The following LRFN5 variants were observed in gnomAD, a reference collection of about 807,000 sequenced individuals.
LRFN5 encodes the protein leucine-rich repeat and fibronectin type-III domain-containing protein 5.
A neutral mutation model predicts 45.6 loss-of-function variants in LRFN5; 24 were observed. The observed-to-expected ratio is 0.53, with a 90% CI of 0.38 to 0.74. The LOEUF (loss-of-function observed/expected upper bound fraction) is 0.74, where lower values mean the gene tolerates loss of function less well. LRFN5 is among the 30% of genes least tolerant of loss of function. LRFN5 has a pLI of 0.00. For missense variants in LRFN5, 776 were observed against 861.5 expected, an observed-to-expected ratio of 0.90 and a Z score of 1.24; for synonymous variants, 340 against 313.8, an observed-to-expected ratio of 1.08 and a Z score of -0.88.
intron 2 of LRFN5, among the ~76,000 whole-genome samples, chr14:41,884,129 G>GTT (rs1890482928): frequency 6.6e-6 from 1 of 152,114 alleles, no homozygotes; most frequent in Non-Finnish European, 1.5e-5. Context: ...TGTCTTTTCA[G>GTT]TTTAACAAGA....
intron 1 of LRFN5, among the ~76,000 whole-genome samples, chr14:41,619,714 CAT>C (rs1888050870): frequency 1.3e-5 from 2 of 151,670 alleles, no homozygotes; most frequent in Admixed American, 1.3e-4. Context: ...AATATATGTA[CAT>C]ATATATGTAC....
At chr14:41,815,444 G>C (rs915175976) in intron 2 of LRFN5, among the ~76,000 whole-genome samples, 1 of 152,038 alleles carries the variant, frequency 6.6e-6, no homozygotes, top group Non-Finnish European at 1.5e-5. Context: ...ATTTAAAGTG[G>C]GTTTCTTGTC....
chr14:41,649,693 C>T (rs1232081230), intron 1 of LRFN5, among the ~76,000 whole-genome samples: 1 of 152,170 alleles, frequency 6.6e-6, no homozygotes, highest in Non-Finnish European at 1.5e-5. Context: ...CCTGATCACC[C>T]TGGTCTGTCT....
chr14:41,876,277 C>CTTTTTTTTTTTTTTTTTTTTTT (rs34291427), intron 2 of LRFN5, among the ~76,000 whole-genome samples: 1 of 100,600 alleles, frequency 9.9e-6, no homozygotes, highest in African/African-American at 3.8e-5. Context: ...CTTTTTCTTT[C>CTTTTTTTTTTTTTTTTTTTTTT]TTTTTTTTTT....
At chr14:41,882,427 G>A (rs1890412582) in intron 2 of LRFN5, among the ~76,000 whole-genome samples, 1 of 152,076 alleles carries the variant, frequency 6.6e-6, no homozygotes, top group Non-Finnish European at 1.5e-5. Flanking sequence ...TGAAATCCCT[G>A]AGGGACTGTA....
intron 2 of LRFN5, among the ~76,000 whole-genome samples, chr14:41,812,925 G>A (rs941450062): frequency 6.6e-6 from 1 of 152,098 alleles, no homozygotes; most frequent in Admixed American, 6.6e-5. Flanking sequence ...AAGTCATCAC[G>A]TTCCAGACTA....
At chr14:41,837,430 A>T (rs1227108439) in intron 2 of LRFN5, among the ~76,000 whole-genome samples, 4 of 152,082 alleles carry the variant, frequency 2.6e-5, no homozygotes, top group Admixed American at 2.6e-4. Context: ...TAGTCTCCTT[A>T]CTCTGTCCTG....
Position 41,903,676 on chromosome 14 carries a change from T to G in LRFN5, c.2143-482T>G, listed in dbSNP as rs141310639. On this transcript the variant is annotated intron_variant, in intron 5 of 5. Transcript: ENST00000298119. Reference sequence around the variant, plus strand: ...TTTGTTTTGTGGGTGAAAAACTGATTAGTTAAGGTGAATAATTTACTACCA... The same window carrying G: ...TTTGTTTTGTGGGTGAAAAACTGATGAGTTAAGGTGAATAATTTACTACCA... 4.2e-3 allele frequency among the ~76,000 whole-genome samples: 644 copies of G among 151,938 alleles called. 3 individuals carry two copies. Among genetic ancestry groups the G allele is most frequent in the African/African-American group, 0.015 (621 of 41,544 alleles).
chr14:41,797,205 G>A (rs1274622025), intron 2 of LRFN5, among the ~76,000 whole-genome samples: 2 of 151,448 alleles, frequency 1.3e-5, no homozygotes, highest in African/African-American at 4.8e-5. Context: ...ATTTTTCATG[G>A]CATTTGAAAT....
intron 1 of LRFN5, among the ~76,000 whole-genome samples, chr14:41,650,266 C>CACACACACACAA (rs1247683262): frequency 2.4e-4 from 32 of 135,524 alleles, no homozygotes; most frequent in African/African-American, 5.6e-4. Context: ...CACACACACA[C>CACACACACACAA]AAAAAAAAAA....
At chr14:41,858,926 A>G (rs1453556837) in intron 2 of LRFN5, among the ~76,000 whole-genome samples, 2 of 152,202 alleles carry the variant, frequency 1.3e-5, no homozygotes, top group African/African-American at 4.8e-5. Context: ...TGGTTCCCAT[A>G]CAAATCCTGC....
rs1280486959 is a variant in LRFN5 at position 41,659,818 on chromosome 14, T to A, written c.-197+51256T>A. 2.6e-5 allele frequency among the ~76,000 whole-genome samples: 4 copies of A among 152,144 alleles called. No individual in the cohort carries two copies. The South Asian group carries it at 8.3e-4, about 31-fold the overall frequency. On this transcript the variant is annotated intron_variant, in intron 1 of 5. Transcript: ENST00000298119. ...TAATGGCCAATGATGATGAGCTTTTTTTCATATGTTGTTGGCTGTATGAAT... is the reference window on the plus strand; with the variant it reads ...TAATGGCCAATGATGATGAGCTTTTATTCATATGTTGTTGGCTGTATGAAT...
At chr14:41,852,246 A>T (rs1889293477) in intron 2 of LRFN5, among the ~76,000 whole-genome samples, 1 of 151,942 alleles carries the variant, frequency 6.6e-6, no homozygotes, top group South Asian at 2.1e-4. Context: ...GAAGTTGGCA[A>T]ATAACATAAT....
At position 41,815,692 on chromosome 14, in the gene LRFN5, T is replaced by C. The variant is rs1887893136; in HGVS notation, c.-21+48663T>C. 2.0e-5 allele frequency among the ~76,000 whole-genome samples: 3 copies of C among 152,038 alleles called. No individual in the cohort carries two copies. The South Asian group carries it at 6.2e-4, about 32-fold the overall frequency. On this transcript the variant is annotated intron_variant, in intron 2 of 5. Coordinates refer to ENST00000298119, the MANE Select transcript of LRFN5 (RefSeq NM_152447.5). Reference sequence around the variant, plus strand: ...GATCAAAGCTGCACTCCAGCCTGAGTGCCACTGAGTGCCACTGCACTCCAG... The same window carrying C: ...GATCAAAGCTGCACTCCAGCCTGAGCGCCACTGAGTGCCACTGCACTCCAG...
intron 1 of LRFN5, among the ~76,000 whole-genome samples, chr14:41,627,717 C>T (rs1254809991): frequency 6.6e-6 from 1 of 152,054 alleles, no homozygotes; most frequent in Non-Finnish European, 1.5e-5. Flanking sequence ...TTTTTCTATG[C>T]TGGTATAATA....
chr14:41,815,371 G>C (rs1167518551), intron 2 of LRFN5, among the ~76,000 whole-genome samples: 2 of 151,854 alleles, frequency 1.3e-5, no homozygotes, highest in Admixed American at 6.6e-5. Context: ...GCTTTCTTTG[G>C]ATTAGTACTA....
intron 1 of LRFN5, among the ~76,000 whole-genome samples, chr14:41,719,702 G>C (rs974002658): frequency 6.6e-6 from 1 of 151,228 alleles, no homozygotes; most frequent in African/African-American, 2.4e-5. Flanking sequence ...TCAAAATTTT[G>C]ATAGATTTTG....
chr14:41,864,611 CA>C (rs1184501379), intron 2 of LRFN5, among the ~76,000 whole-genome samples: 1 of 152,076 alleles, frequency 6.6e-6, no homozygotes, highest in Non-Finnish European at 1.5e-5. Context: ...ACCTTATCAC[CA>C]AATAAGGTCA....
rs1437646684 is a variant in LRFN5, at chr14:41,826,668, G to A, written c.-21+59639G>A. ...TGTCACATAAATCATAAAGCAGTGT[G>A]GATTATTGACTAGAAGCATGAAACC... is the stretch of plus-strand genomic sequence containing the variant. On this transcript the variant is annotated intron_variant, in intron 2 of 5. Coordinates refer to ENST00000298119, the MANE Select transcript of LRFN5 (RefSeq NM_152447.5). Among the ~76,000 whole-genome samples the A allele has an allele frequency of 2.0e-5, 3 of 152,124 alleles. No homozygotes were observed. In the East Asian group the frequency reaches 5.8e-4, roughly 29 times the overall value.
Sources: allele counts gnomAD v4.1 joint callset (sites outside exome capture counted in the v4.1 genomes callset), GRCh38; gene constraint gnomAD v4.1.1; transcripts MANE v1.5; gene names NCBI Gene and HGNC (gene_info 2026-07-23, HGNC 2026-07-21).